The following XPA variants were observed in gnomAD, a reference collection of about 807,000 sequenced individuals.
XPA encodes the protein XPA, DNA damage recognition and repair factor.
XPA carries 27 observed loss-of-function variants against 35.7 expected under a neutral mutation model. The ratio of observed to expected loss-of-function variants is 0.76; its 90% CI spans 0.56 to 1.04. The LOEUF is 1.04. XPA is among the 50% of genes least tolerant of loss of function. The probability of loss-of-function intolerance (pLI) is 0.00; values close to 1 mark genes in which losing one functional copy is unlikely to be tolerated. For missense variants in XPA, 354 were observed against 342.7 expected (o/e 1.03, Z -0.26); for synonymous variants, 133 against 118.4 (o/e 1.12, Z -0.80).
At chr9:97,668,134 T>TCTTGCTGAAAGTACCTTGGTATGTAACA in the XPA span, among the ~76,000 whole-genome samples, 1 of 152,184 alleles carries the variant, frequency 6.6e-6, no homozygotes, top group African/African-American at 2.4e-5. Context: ...GATGCCACCT[T>TCTTGCTGAAAGTACCTTGGTATGTAACA]CTTGCTGAAA....
intron 2 of XPA, among the ~76,000 whole-genome samples, chr9:97,693,028 G>A (rs1041784420): frequency 6.7e-6 from 1 of 149,422 alleles, no homozygotes; most frequent in Non-Finnish European, 1.5e-5. Flanking sequence ...TTCTGTAGCT[G>A]CAACTAAAGA....
At chr9:97,683,898 A>G (rs1391335600) in intron 5 of XPA, among the ~76,000 whole-genome samples, 1 of 152,214 alleles carries the variant, frequency 6.6e-6, no homozygotes, top group African/African-American at 2.4e-5. Flanking sequence ...ACATGAGCAA[A>G]ATTATATGGA....
At chr9:97,669,473 C>A in the XPA span, 3 of 654,924 alleles carry the variant, frequency 4.6e-6, no homozygotes, top group Non-Finnish European at 8.1e-6. Context: ...GGAAGCTAGG[C>A]ACACACACCA....
At chr9:97,695,262 C>A (rs1207950724) in intron 1 of XPA, among the ~76,000 whole-genome samples, 1 of 152,166 alleles carries the variant, frequency 6.6e-6, no homozygotes, top group Non-Finnish European at 1.5e-5. Context: ...TACAGTCACT[C>A]CCCTTCTCTG....
chr9:97,685,120 G>A, intron 4 of XPA, 80 bp from the exon 5 acceptor site: 1 of 1,158,854 alleles, frequency 8.6e-7, no homozygotes, highest in East Asian at 2.4e-5. Flanking sequence ...AAATCCAAAG[G>A]TACCAAAGAA....
At chr9:97,676,517 A>T (rs1828370713) in intron 5 of XPA, among the ~76,000 whole-genome samples, 1 of 152,240 alleles carries the variant, frequency 6.6e-6, no homozygotes, top group Non-Finnish European at 1.5e-5. Flanking sequence ...TCAGCTATAA[A>T]AATAACATAC....
downstream of XPA, chr9:97,671,224 G>GTT: frequency 6.8e-7 from 1 of 1,479,158 alleles, no homozygotes; most frequent in Non-Finnish European, 9.3e-7. Flanking sequence ...TCATGTCAAG[G>GTT]TTTTTTTTGA....
chr9:97,660,289 A>G, the XPA span, among the ~76,000 whole-genome samples: 3 of 152,190 alleles, frequency 2.0e-5, no homozygotes, highest in Non-Finnish European at 4.4e-5. Context: ...TCTACCTTAC[A>G]TTAAAAGCAG....
chr9:97,671,889 ATCCTTAAAGTTTCCCC>A (rs1386594943), downstream of XPA: 1 of 152,198 alleles, frequency 6.6e-6, no homozygotes, highest in African/African-American at 2.4e-5. Context: ...ATCCTCAGTA[ATCCTTAAAGTTTCCCC>A]AGGTGATTCC....
the XPA span, chr9:97,664,530 A>C: frequency 2.3e-6 from 2 of 879,092 alleles, no homozygotes; most frequent in Admixed American, 4.6e-5. Flanking sequence ...ATTCTGGTCC[A>C]AACCAGGTTG....
chr9:97,666,855 A>G, the XPA span: 1 of 1,608,322 alleles, frequency 6.2e-7, no homozygotes. Context: ...GCTAAAGAGA[A>G]ACTTGCTAGG....
At chr9:97,688,490 T>C (rs1828786638) in intron 3 of XPA, among the ~76,000 whole-genome samples, 1 of 152,252 alleles carries the variant, frequency 6.6e-6, no homozygotes, top group African/African-American at 2.4e-5. Flanking sequence ...GTCCTTTTGC[T>C]ATGGCAAGGT....
chr9:97,674,233 A>G (rs1828283540), downstream of XPA, among the ~76,000 whole-genome samples: 1 of 152,124 alleles, frequency 6.6e-6, no homozygotes, highest in South Asian at 2.1e-4. Flanking sequence ...CCCCAGAGAC[A>G]TCTTGCTGCC....
Position 97,683,206 on chromosome 9 carries a change from C to T in XPA, c.673+1717G>A, listed in dbSNP as rs140546196. Among the ~76,000 whole-genome samples, 354 of 152,284 alleles carry T rather than the reference C, an allele frequency of 2.3e-3. 1 individual carries two copies. The highest frequency in any genetic ancestry group is 2.1e-3 in the Non-Finnish European group (142 of 68,024). ...GCTGGAGTTAACAAAAAACCCTAGGCTAGTATATAACTAATCTATCACTCT... is the reference window on the plus strand; with the variant it reads ...GCTGGAGTTAACAAAAAACCCTAGGTTAGTATATAACTAATCTATCACTCT... On this transcript the variant is annotated intron_variant, in intron 5 of 5. Transcript: ENST00000375128.
chr9:97,671,535 GA>G (rs1462553657), downstream of XPA: 5 of 180,516 alleles, frequency 2.8e-5, no homozygotes, highest in Admixed American at 2.4e-4. Context: ...ATAGTATATA[GA>G]ACTGATGGGT....
chr9:97,677,972 A>C (rs188273815), intron 5 of XPA, among the ~76,000 whole-genome samples: 1 of 152,328 alleles, frequency 6.6e-6, no homozygotes, highest in Admixed American at 6.5e-5. Context: ...CAGTATAAGT[A>C]AAACTAAAAT....
chr9:97,693,597 TG>T (rs1554702591), intron 2 of XPA, 51 bp downstream of exon 2: 2 of 1,463,496 alleles, frequency 1.4e-6, no homozygotes, highest in Non-Finnish European at 1.9e-6. Flanking sequence ...GAATTATGCA[TG>T]TTACTCAAAA....
the XPA span, chr9:97,654,957 C>T: frequency 5.1e-6 from 8 of 1,563,994 alleles, no homozygotes; most frequent in African/African-American, 8.3e-5. Context: ...ACAGTAATCG[C>T]TTTACTGCTG....
Position 97,687,105 on chromosome 9 carries a change from TAAGTA to T in XPA, c.541_545del (p.Tyr181LysfsTer10). 6.2e-7 allele frequency: 1 copy of T among 1,610,356 alleles called. No individual in the cohort carries two copies. The highest frequency in any genetic ancestry group is 8.5e-7 in the Non-Finnish European group (1 of 1,178,988). On this transcript the variant is annotated frameshift_variant, in exon 4 of 6. Transcript: ENST00000375128. LOFTEE classifies it high-confidence loss of function. ...ACAACTTATTAGAGACCTGTAACTT[TAAGTA>T]GAGTTTCATATCACCCCATTGTGAA...
Sources: gnomAD v4.1 joint callset for allele counts (sites outside exome capture counted in the v4.1 genomes callset) on GRCh38, gnomAD v4.1.1 for gene constraint, MANE v1.5 for transcripts, NCBI Gene and HGNC (gene_info 2026-07-23, HGNC 2026-07-21) for gene names.